VANGL1: variants seen among roughly 807,000 people sequenced by gnomAD.
VANGL1 encodes the protein VANGL planar cell polarity protein 1.
VANGL1 carries 18 observed loss-of-function variants against 48.4 expected under a neutral mutation model. The observed-to-expected ratio is 0.37, with a 90% CI of 0.26 to 0.55. VANGL1 has a LOEUF of 0.55. Ranked by LOEUF, VANGL1 falls within the 20% of genes least tolerant of loss-of-function variation. The pLI is 0.81. For synonymous variants in VANGL1, 257 were observed against 261.8 expected, an observed-to-expected ratio of 0.98 and a Z score of 0.18; for missense variants, 667 against 675.8, an observed-to-expected ratio of 0.99 and a Z score of 0.14.
intron 2 of VANGL1, among the ~76,000 whole-genome samples, chr1:115,651,885 T>G (rs1218407362): frequency 1.1e-4 from 16 of 152,028 alleles, no homozygotes; most frequent in Admixed American, 1.0e-3. Context: ...GCCTCCCGAG[T>G]AGCTGAGACT....
intron 6 of VANGL1, 52 bp from the exon 7 acceptor site, chr1:115,685,241 A>C (rs1202960351): frequency 6.3e-7 from 1 of 1,599,256 alleles, no homozygotes; most frequent in Admixed American, 1.7e-5. Context: ...TTCTGTTCTC[A>C]CACCCTGTGG....
intron 4 of VANGL1, among the ~76,000 whole-genome samples, chr1:115,666,192 T>A (rs1406365562): frequency 6.6e-6 from 1 of 152,120 alleles, no homozygotes; most frequent in Non-Finnish European, 1.5e-5. Flanking sequence ...GTGGTTTTGT[T>A]TTTTGGCCCT....
rs1425473342 is a variant in VANGL1 at position 115,685,514 on chromosome 1, G to A, written c.1301G>A (p.Gly434Asp). Residue 434 changes from glycine to aspartate, a missense_variant, in exon 7 of 8, where the codon GGC (glycine) becomes GAC (aspartate). By Grantham distance (94) the Gly-to-Asp change is moderately conservative. Transcript: ENST00000355485. The stretch of plus-strand genomic sequence containing the variant: ...CACCTGGCCTTCTGCATCACCAACG[G>A]CATGACCCCCAAGGTGCGCTGCTCC... ...LQHLAFCITN[G>D]MTPKAFLERY... The A allele has an allele frequency of 6.2e-7, 1 of 1,614,002 alleles. No homozygotes were observed. The highest frequency in any genetic ancestry group is 1.7e-5 in the Admixed American group (1 of 60,004).
At position 115,679,503 on chromosome 1, in the gene VANGL1, C is replaced by T. The variant is rs117599954; in HGVS notation, c.813-2861C>T. 5.9e-5 allele frequency among the ~76,000 whole-genome samples: 9 copies of T among 152,294 alleles called. No individual in the cohort carries two copies. In the East Asian group the frequency reaches 1.7e-3, roughly 29 times the overall value. ...ATTTGGAGAGCATCTGCTGAGGCCCCGTGCTGGAAGGCGGTGGGCCGGGAG... is the reference window on the plus strand; with the variant it reads ...ATTTGGAGAGCATCTGCTGAGGCCCTGTGCTGGAAGGCGGTGGGCCGGGAG... On this transcript the variant is annotated intron_variant, in intron 4 of 7. Transcript: ENST00000355485.
chr1:115,696,877 T>G lies in VANGL1; in HGVS notation c.*5498T>G, dbSNP rs1046378031. ...CCTTGTCATAGTGGAAGAAAGACAC[T>G]TACTTTAAGCTTTGGGGACAAAGGT... On this transcript the variant is annotated 3_prime_UTR_variant, in exon 8 of 8. Transcript: ENST00000355485. 6.6e-6 allele frequency: 1 copy of G among 152,186 alleles called. No homozygotes were observed. Among genetic ancestry groups the G allele is most frequent in the Admixed American group, 6.5e-5 (1 of 15,288 alleles). The allele number at this position is 152,186 out of a possible 1,614,324, so 9.4% of individuals were successfully genotyped here. A position where few individuals can be genotyped will look rare whatever the true frequency, so the allele number is the denominator to read the frequency against.
At chr1:115,691,093 T>C in intron 7 of VANGL1, 26 bp from the exon 8 acceptor site, 2 of 1,614,116 alleles carry the variant, frequency 1.2e-6, no homozygotes, top group Non-Finnish European at 1.7e-6. Flanking sequence ...GTTTCTTCCC[T>C]AATGGCCTTT....
rs35556991 is a variant in VANGL1, at chr1:115,646,233, A to G, written c.-138+4147A>G. 5.1e-3 allele frequency among the ~76,000 whole-genome samples: 781 copies of G among 152,294 alleles called. 4 individuals are homozygous for G. The highest frequency in any genetic ancestry group is 7.5e-3 in the Non-Finnish European group (512 of 68,026). On this transcript the variant is annotated intron_variant, in intron 1 of 7. Transcript: ENST00000355485. ...TCCAGAATTTAGGACACTGCCACTT[A>G]GAAGCACTCTGTGCACCTATCTCCC... is the stretch of plus-strand genomic sequence containing the variant.
rs937924106 is a variant in VANGL1, at chr1:115,693,436, A to G, written c.*2057A>G. 3.3e-5 allele frequency: 5 copies of G among 152,610 alleles called. No individual in the cohort carries two copies. Among genetic ancestry groups the G allele is most frequent in the African/African-American group, 4.8e-5 (2 of 41,442 alleles). The allele number at this position is 152,610 out of a possible 1,614,324, so 9.5% of individuals were successfully genotyped here. On this transcript the variant is annotated 3_prime_UTR_variant, in exon 8 of 8. Coordinates refer to ENST00000355485, the MANE Select transcript of VANGL1 (RefSeq NM_138959.3). The stretch of plus-strand genomic sequence containing the variant: ...TACTGTTCTTCCAACCCTATCTTCA[A>G]TGACCAGTCCAGAAGGGGTTAAGCT...
intron 4 of VANGL1, among the ~76,000 whole-genome samples, chr1:115,668,494 C>T (rs1399922875): frequency 6.6e-6 from 1 of 152,164 alleles, no homozygotes; most frequent in African/African-American, 2.4e-5. Flanking sequence ...TTTGGTCAGA[C>T]CTTTTTAACT....
At chr1:115,678,893 G>T (rs1054629096) in intron 4 of VANGL1, among the ~76,000 whole-genome samples, 2 of 151,268 alleles carry the variant, frequency 1.3e-5, no homozygotes, top group East Asian at 3.9e-4. Flanking sequence ...GGTGGAGGTT[G>T]CAGTGAGCCG....
At chr1:115,657,017 C>G (rs59108260) in intron 2 of VANGL1, among the ~76,000 whole-genome samples, 1 of 152,224 alleles carries the variant, frequency 6.6e-6, no homozygotes, top group Non-Finnish European at 1.5e-5. Flanking sequence ...TCCATCTGGC[C>G]GATGGCAGGG....
chr1:115,685,219 A>C, intron 6 of VANGL1, 74 bp from the exon 7 acceptor site: 2 of 1,536,400 alleles, frequency 1.3e-6, no homozygotes, highest in Non-Finnish European at 1.8e-6. Context: ...GCAGCAGGGT[A>C]GACAAGCGTC....
At chr1:115,679,323 C>T (rs1198527913) in intron 4 of VANGL1, among the ~76,000 whole-genome samples, 5 of 152,244 alleles carry the variant, frequency 3.3e-5, no homozygotes, top group Admixed American at 2.0e-4. Flanking sequence ...AAGACTCTCA[C>T]TCTTTGGGAG....
chr1:115,658,524 C>T (rs888138261), intron 2 of VANGL1, among the ~76,000 whole-genome samples: 1 of 152,312 alleles, frequency 6.6e-6, no homozygotes, highest in Non-Finnish European at 1.5e-5. Flanking sequence ...GATTGAATAA[C>T]TTGTGCAAGA....
intron 4 of VANGL1, among the ~76,000 whole-genome samples, chr1:115,667,735 A>G (rs1242875486): frequency 6.6e-6 from 1 of 152,226 alleles, no homozygotes; most frequent in East Asian, 1.9e-4. Context: ...ATAAGTTGCT[A>G]ACTTTTCCAG....
intron 4 of VANGL1, among the ~76,000 whole-genome samples, chr1:115,682,045 A>G (rs1570769619): frequency 2.0e-5 from 3 of 152,252 alleles, no homozygotes; most frequent in African/African-American, 7.2e-5. Context: ...AACCGAGGAA[A>G]AATAGAAAAA....
At chr1:115,668,060 T>A (rs1317445002) in intron 4 of VANGL1, among the ~76,000 whole-genome samples, 1 of 152,350 alleles carries the variant, frequency 6.6e-6, no homozygotes, top group African/African-American at 2.4e-5. Flanking sequence ...AGGTAGGTTC[T>A]GGTAGCCTCC....
rs1174280518 is a variant in VANGL1, at chr1:115,651,479, A to T, written c.66A>T (p.Arg22Ser). Reference sequence around the variant, plus strand: ...CAAGTCATTCGAAAAAATCTCACAGACAAGGGTATGTAAGTTGTTCATTAT... The same window carrying T: ...CAAGTCATTCGAAAAAATCTCACAGTCAAGGGTATGTAAGTTGTTCATTAT... ...YYSSHSKKSHRQGERTRERHK... is the reference protein window; with the variant it reads ...YYSSHSKKSHSQGERTRERHK... The change falls in exon 2 of 8, where the codon AGA becomes AGT. Residue 22 changes from arginine (R) to serine (S), a missense_variant. By Grantham distance (110) the Arg-to-Ser change is moderately radical (BLOSUM62 -1). Transcript: ENST00000355485. The T allele has an allele frequency of 6.2e-7, 1 of 1,613,950 alleles. No homozygotes were observed. The highest frequency in any genetic ancestry group is 2.2e-5 in the East Asian group (1 of 44,882).
At chr1:115,683,786 G>C (rs1653482221) in intron 5 of VANGL1, among the ~76,000 whole-genome samples, 158 bp from the exon 6 acceptor site, 1 of 152,170 alleles carries the variant, frequency 6.6e-6, no homozygotes, top group Admixed American at 6.5e-5. Flanking sequence ...GTGGAGCCGG[G>C]GCACAGTTCA....
Sources: allele counts gnomAD v4.1 joint callset (sites outside exome capture counted in the v4.1 genomes callset), GRCh38; gene constraint gnomAD v4.1.1; transcripts MANE v1.5; gene names NCBI Gene and HGNC (gene_info 2026-07-23, HGNC 2026-07-21).